Variants in ARHGAP44 observed in about 807,000 individuals in gnomAD.
The protein encoded by ARHGAP44 is Rho GTPase activating protein 44.
ARHGAP44 carries 43 observed loss-of-function variants against 106.8 expected under a neutral mutation model. That is an observed-to-expected ratio of 0.40 (90% CI 0.32 to 0.52). The LOEUF (loss-of-function observed/expected upper bound fraction) is 0.52, where lower values mean the gene tolerates loss of function less well. Ranked by LOEUF, ARHGAP44 falls within the 20% of genes least tolerant of loss-of-function variation. ARHGAP44 has a pLI of 0.48. For missense variants in ARHGAP44, 866 were observed against 1,050.5 expected (o/e 0.82, Z 2.43); for synonymous variants, 439 against 410.3 (o/e 1.07, Z -0.85).
chr17:12,894,901 T>C, intron 1 of ARHGAP44, 39 bp from the exon 2 acceptor site: 3 of 1,553,074 alleles, frequency 1.9e-6, no homozygotes, highest in Non-Finnish European at 2.6e-6. Context: ...GCTCTGTTGT[T>C]AGTTTTGTTA....
chr17:12,820,825 A>G (rs2034747963), intron 1 of ARHGAP44, among the ~76,000 whole-genome samples: 1 of 152,172 alleles, frequency 6.6e-6, no homozygotes, highest in Admixed American at 6.5e-5. Context: ...TGTGATAGTT[A>G]TAGAAGACCT....
chr17:12,987,283 C>T (rs1392672513), intron 20 of ARHGAP44: 1 of 771,880 alleles, frequency 1.3e-6, no homozygotes, highest in African/African-American at 1.7e-5. Flanking sequence ...CCAGCCTTCC[C>T]CGGCCTCAGC....
intron 4 of ARHGAP44, among the ~76,000 whole-genome samples, chr17:12,912,183 A>G (rs557663634): frequency 6.6e-6 from 1 of 152,334 alleles, no homozygotes; most frequent in East Asian, 1.9e-4. Flanking sequence ...TGTGTTTTCA[A>G]ATGGTAAGGG....
intron 1 of ARHGAP44, among the ~76,000 whole-genome samples, chr17:12,891,353 G>A (rs141532343): frequency 6.8e-4 from 103 of 152,268 alleles, no homozygotes; most frequent in Middle Eastern, 3.4e-3. Context: ...TTTATTGGCC[G>A]CAGTTCTGAA....
At chr17:12,955,472 C>A (rs989593051) in intron 13 of ARHGAP44, among the ~76,000 whole-genome samples, 5 of 152,168 alleles carry the variant, frequency 3.3e-5, no homozygotes, top group African/African-American at 9.7e-5. Flanking sequence ...AGAAACACCA[C>A]CCCTAGCATG....
intron 13 of ARHGAP44, among the ~76,000 whole-genome samples, chr17:12,955,142 T>C (rs1320300855): frequency 1.3e-5 from 2 of 152,238 alleles, no homozygotes; most frequent in African/African-American, 4.8e-5. Context: ...TTCTTTCACG[T>C]AGCATAATGT....
intron 1 of ARHGAP44, among the ~76,000 whole-genome samples, chr17:12,858,188 G>A (rs142309207): frequency 6.6e-5 from 10 of 152,288 alleles, no homozygotes; most frequent in Admixed American, 4.6e-4. Context: ...TTCCAACCAC[G>A]TCTGCTATTC....
chr17:12,797,928 T>C (rs373315716), intron 1 of ARHGAP44, among the ~76,000 whole-genome samples: 1 of 152,326 alleles, frequency 6.6e-6, no homozygotes, highest in East Asian at 1.9e-4. Flanking sequence ...TACTTATAGG[T>C]AATTTGTCAG....
At chr17:12,962,922 G>A (rs575883228) in intron 16 of ARHGAP44, among the ~76,000 whole-genome samples, 4 of 152,118 alleles carry the variant, frequency 2.6e-5, no homozygotes, top group Non-Finnish European at 5.9e-5. Context: ...GCGCATGCCT[G>A]TAATCCCAGC....
At chr17:12,798,904 A>AG (rs1454831257) in intron 1 of ARHGAP44, among the ~76,000 whole-genome samples, 1 of 152,058 alleles carries the variant, frequency 6.6e-6, no homozygotes, top group African/African-American at 2.4e-5. Context: ...CATGTTGTCT[A>AG]TTTTTTCTTG....
chr17:12,814,482 C>T (rs1337016590), intron 1 of ARHGAP44, among the ~76,000 whole-genome samples: 4 of 151,368 alleles, frequency 2.6e-5, no homozygotes, highest in African/African-American at 9.7e-5. Flanking sequence ...CTCAGGTGAT[C>T]TGCCCGCCTC....
intron 7 of ARHGAP44, among the ~76,000 whole-genome samples, chr17:12,933,973 C>T (rs771590135): frequency 2.6e-5 from 4 of 152,034 alleles, no homozygotes; most frequent in Admixed American, 6.5e-5. Flanking sequence ...CTCAGCCTCC[C>T]GAGTAGCTGG....
At chr17:12,959,337 C>T (rs184267527) in intron 16 of ARHGAP44, among the ~76,000 whole-genome samples, 1 of 152,272 alleles carries the variant, frequency 6.6e-6, no homozygotes, top group Non-Finnish European at 1.5e-5. Context: ...TTAACGTTCC[C>T]AGTTTCAGCC....
intron 1 of ARHGAP44, among the ~76,000 whole-genome samples, chr17:12,803,372 G>A (rs1397687633): frequency 4.6e-5 from 7 of 152,076 alleles, no homozygotes; most frequent in African/African-American, 1.7e-4. Context: ...CTCCCTAAAT[G>A]CTGGAATTGC....
chr17:12,806,491 C>T lies in ARHGAP44; in HGVS notation c.53+16600C>T, dbSNP rs547418644. ...ATCATGTAATTAATAATGCTGGGGACAGCAAGTGAAAACCTGGGTGAATTG... is the reference window on the plus strand; with the variant it reads ...ATCATGTAATTAATAATGCTGGGGATAGCAAGTGAAAACCTGGGTGAATTG... On this transcript the variant is annotated intron_variant, in intron 1 of 20. Coordinates refer to ENST00000379672, the MANE Select transcript of ARHGAP44 (RefSeq NM_014859.6). Among the ~76,000 whole-genome samples the T allele has an allele frequency of 2.8e-4, 42 of 152,252 alleles. 1 individual carries two copies. Among genetic ancestry groups the T allele is most frequent in the African/African-American group, 9.9e-4 (41 of 41,532 alleles).
intron 19 of ARHGAP44, among the ~76,000 whole-genome samples, chr17:12,983,818 AAC>A (rs942631010): frequency 2.6e-5 from 4 of 152,054 alleles, no homozygotes; most frequent in Non-Finnish European, 2.9e-5. Flanking sequence ...AAGAAAAAAA[AAC>A]AACAAAAAAA....
At chr17:12,815,786 G>A (rs1597881476) in intron 1 of ARHGAP44, among the ~76,000 whole-genome samples, 2 of 152,276 alleles carry the variant, frequency 1.3e-5, no homozygotes, top group African/African-American at 4.8e-5. Flanking sequence ...TGGGGGAGGT[G>A]GAACTTGAAA....
intron 4 of ARHGAP44, among the ~76,000 whole-genome samples, chr17:12,909,788 C>G (rs1272138413): frequency 1.3e-5 from 2 of 152,068 alleles, no homozygotes; most frequent in Non-Finnish European, 2.9e-5. Flanking sequence ...TTGAATTTTT[C>G]TTTTCCAGAT....
intron 1 of ARHGAP44, among the ~76,000 whole-genome samples, chr17:12,808,107 A>G (rs919972906): frequency 3.3e-5 from 5 of 152,220 alleles, no homozygotes; most frequent in African/African-American, 1.2e-4. Context: ...CATTCAGGGG[A>G]CACTGATGCA....
Sources: allele counts gnomAD v4.1 joint callset (sites outside exome capture counted in the v4.1 genomes callset), GRCh38; gene constraint gnomAD v4.1.1; transcripts MANE v1.5; gene names NCBI Gene and HGNC (gene_info 2026-07-23, HGNC 2026-07-21).